Variants in PSMC2 observed in about 807,000 individuals in gnomAD.
PSMC2 encodes the protein proteasome 26S subunit, ATPase 2, also known as 26S proteasome regulatory subunit 7.
A neutral mutation model predicts 53.3 loss-of-function variants in PSMC2; 7 were observed. The ratio of observed to expected loss-of-function variants is 0.13; its 90% CI spans 0.07 to 0.25. The LOEUF (loss-of-function observed/expected upper bound fraction) is 0.25. PSMC2 is among the 10% of genes least tolerant of loss of function. PSMC2 has a pLI of 1.00. For missense variants in PSMC2, 241 were observed against 544.0 expected (o/e 0.44, Z 5.54); for synonymous variants, 169 against 183.9 (o/e 0.92, Z 0.66).
At position 103,367,975 on chromosome 7, in the gene PSMC2, A is replaced by G; in HGVS notation, c.1223A>G (p.Asp408Gly). 1.2e-6 allele frequency: 2 copies of G among 1,614,084 alleles called. No homozygotes were observed. The highest frequency in any genetic ancestry group is 1.7e-6 in the Non-Finnish European group (2 of 1,179,950). Reference sequence around the variant, plus strand: ...CGGCGAAAAATTGCTACCGAGAAGGATTTCTTGGAAGCTGTAAATAAGGTC... The same window carrying G: ...CGGCGAAAAATTGCTACCGAGAAGGGTTTCTTGGAAGCTGTAAATAAGGTC... ...RARRKIATEKDFLEAVNKVIK... is the reference protein window; with the variant it reads ...RARRKIATEKGFLEAVNKVIK... Residue 408 changes from aspartate to glycine, a missense_variant, in exon 12 of 12, where the codon GAT becomes GGT. Physicochemically the swap from Asp to Gly is moderately conservative, Grantham distance 94. This residue lies in a region of PSMC2 where 60 missense variants were observed against 115.8 expected (regional missense o/e 0.52). Coordinates refer to ENST00000292644, the MANE Select transcript of PSMC2 (RefSeq NM_002803.4). This position sits in a 1 kb window ranked among gnomAD's most constrained non-coding sequence, Gnocchi z 6.1.
At chr7:103,358,665 T>G (rs980362000) in intron 4 of PSMC2, among the ~76,000 whole-genome samples, 7 of 152,092 alleles carry the variant, frequency 4.6e-5, no homozygotes, top group African/African-American at 1.7e-4. Flanking sequence ...TCTTTCATTT[T>G]TGTGTGTGTG....
intron 4 of PSMC2, among the ~76,000 whole-genome samples, chr7:103,357,535 C>G (rs976818507): frequency 6.6e-6 from 1 of 151,996 alleles, no homozygotes; most frequent in African/African-American, 2.4e-5. Flanking sequence ...TTTTGGCTTT[C>G]CATCATGGAA....
At chr7:103,365,245 TAATA>T (rs1369657719) in intron 8 of PSMC2, among the ~76,000 whole-genome samples, 1 of 152,126 alleles carries the variant, frequency 6.6e-6, no homozygotes, top group Non-Finnish European at 1.5e-5. Context: ...TATTGCTATT[TAATA>T]GATACAGAAT....
At position 103,368,184 on chromosome 7, in the gene PSMC2, A is replaced by ATAAT. The variant is rs1357805204; in HGVS notation, c.*131_*134dup. On this transcript the variant is annotated 3_prime_UTR_variant, in exon 12 of 12. Coordinates refer to ENST00000292644, the MANE Select transcript of PSMC2 (RefSeq NM_002803.4). ...TTTTTTCCATATCTCTTCTTGTAAT[A>ATAAT]TAATAAAAGGTGATTTCTAATGTTA... The ATAAT allele has an allele frequency of 4.8e-6, 4 of 832,262 alleles. No homozygotes were observed. Among genetic ancestry groups the ATAAT allele is most frequent in the African/African-American group, 1.7e-5 (1 of 57,958 alleles). The allele number at this position is 832,262 out of a possible 1,614,324, so 51.6% of individuals were successfully genotyped here.
At position 103,368,097 on chromosome 7, in the gene PSMC2, A is replaced by T; in HGVS notation, c.*43A>T. 1 of 1,542,704 alleles carries T rather than the reference A, an allele frequency of 6.5e-7. No individual in the cohort carries two copies. The highest frequency in any genetic ancestry group is 1.4e-5 in the African/African-American group (1 of 72,308). On this transcript the variant is annotated 3_prime_UTR_variant, in exon 12 of 12. Transcript: ENST00000292644. The stretch of plus-strand genomic sequence containing the variant: ...GTGAAAACTTTAAATTGGAATCCTA[A>T]CCTTATATAGACTTGTTAATAACCA...
intron 2 of PSMC2, 152 bp downstream of exon 2, chr7:103,354,110 G>T (rs1252794656): frequency 8.0e-6 from 5 of 628,694 alleles, no homozygotes; most frequent in Non-Finnish European, 1.3e-5. Flanking sequence ...AATTAGAAAA[G>T]AATGTCTGGC....
Position 103,366,062 on chromosome 7 carries a change from A to G in PSMC2, c.757-14A>G, listed in dbSNP as rs1195297469. 1.9e-6 allele frequency: 3 copies of G among 1,591,062 alleles called. No homozygotes were observed. The African/African-American group carries it at 4.1e-5, about 22-fold the overall frequency. On this transcript the variant is annotated splice_polypyrimidine_tract_variant and intron_variant, in intron 8 of 11. Transcript: ENST00000292644. ...GAAACCAATTTTGAATTAATAAATC[A>G]TTTTTCTCATTAGGGGGCTCGAATG...
rs546215384 is a variant in PSMC2, at chr7:103,364,695, A to C, written c.756+388A>C. Among the ~76,000 whole-genome samples the C allele has an allele frequency of 2.8e-3, 423 of 152,172 alleles. 1 individual carries two copies. The highest frequency in any genetic ancestry group is 3.5e-3 in the Non-Finnish European group (235 of 68,010). On this transcript the variant is annotated intron_variant, in intron 8 of 11. Coordinates refer to ENST00000292644, the MANE Select transcript of PSMC2 (RefSeq NM_002803.4). ...AGTGCTGGTAGTATAGGCAAGAACCACCACGCCCGGCCTGAGACCTGAAAT... is the reference window on the plus strand; with the variant it reads ...AGTGCTGGTAGTATAGGCAAGAACCCCCACGCCCGGCCTGAGACCTGAAAT...
intron 1 of PSMC2, 102 bp from the exon 2 acceptor site, chr7:103,353,815 CACTT>C: frequency 1.1e-6 from 1 of 935,266 alleles, no homozygotes; most frequent in South Asian, 1.5e-5. Context: ...TTTTGACACT[CACTT>C]AAAACAATTT....
At chr7:103,362,309 G>C in intron 5 of PSMC2, 2 of 1,377,476 alleles carry the variant, frequency 1.5e-6, no homozygotes, top group Non-Finnish European at 9.3e-7. Context: ...ATTATGAATG[G>C]CTTCAAATTT....
intron 4 of PSMC2, 131 bp downstream of exon 4, chr7:103,355,924 C>T: frequency 1.7e-6 from 1 of 605,334 alleles, no homozygotes; most frequent in Non-Finnish European, 2.7e-6. Flanking sequence ...AAGCTTTCTA[C>T]AAAACTGGGG....
intron 1 of PSMC2, chr7:103,352,732 A>G: frequency 5.5e-6 from 4 of 722,752 alleles, no homozygotes; most frequent in Non-Finnish European, 1.0e-5. Flanking sequence ...TCATCCTGGT[A>G]GATTCATTTT....
chr7:103,368,206 G>A lies in PSMC2; in HGVS notation c.*152G>A. 1.4e-6 allele frequency: 1 copy of A among 717,372 alleles called. No individual in the cohort carries two copies. The highest frequency in any genetic ancestry group is 2.1e-6 in the Non-Finnish European group (1 of 467,434). 44.4% of individuals were successfully genotyped at this position (717,372 alleles called of 1,614,324 possible). A position where few individuals can be genotyped will look rare whatever the true frequency, so the allele number is the denominator to read the frequency against. On this transcript the variant is annotated 3_prime_UTR_variant, in exon 12 of 12. Transcript: ENST00000292644. ...AATATAATAAAAGGTGATTTCTAATGTTATTAGGCAGAAAAGCTTGTTAGA... is the reference window on the plus strand; with the variant it reads ...AATATAATAAAAGGTGATTTCTAATATTATTAGGCAGAAAAGCTTGTTAGA...
chr7:103,355,577 T>C, intron 3 of PSMC2, 117 bp from the exon 4 acceptor site: 1 of 746,752 alleles, frequency 1.3e-6, no homozygotes, highest in Non-Finnish European at 2.3e-6. Flanking sequence ...ATAATGCACA[T>C]GATAGTCCTC....
At chr7:103,362,324 G>T in intron 5 of PSMC2, 1 of 1,371,466 alleles carries the variant, frequency 7.3e-7, no homozygotes, top group African/African-American at 1.5e-5. Flanking sequence ...AAATTTCAGA[G>T]TTGAGGTTAC....
intron 8 of PSMC2, 37 bp downstream of exon 8, chr7:103,364,344 A>G (rs1365899186): frequency 6.2e-7 from 1 of 1,607,586 alleles, no homozygotes; most frequent in East Asian, 2.2e-5. Context: ...TAGCCTTGTG[A>G]AAGATTTTAC....
Position 103,355,685 on chromosome 7 carries a change from T to C in PSMC2, c.191-9T>C. The C allele has an allele frequency of 6.2e-7, 1 of 1,606,332 alleles. No homozygotes were observed. Among genetic ancestry groups the C allele is most frequent in the South Asian group, 1.1e-5 (1 of 90,898 alleles). On this transcript the variant is annotated splice_polypyrimidine_tract_variant and intron_variant, in intron 3 of 11. Coordinates refer to ENST00000292644, the MANE Select transcript of PSMC2 (RefSeq NM_002803.4). ...ATTTTAGTAAATTTTGTCATCTTTC[T>C]CTATGTAGGTATTAAAGAATCTGAC...
chr7:103,350,036 C>T (rs1819694476), intron 1 of PSMC2, among the ~76,000 whole-genome samples: 1 of 152,156 alleles, frequency 6.6e-6, no homozygotes, highest in Non-Finnish European at 1.5e-5. Flanking sequence ...TATGTGCAAC[C>T]TTCCCCATTT....
chr7:103,355,587 C>T, intron 3 of PSMC2, 107 bp from the exon 4 acceptor site: 1 of 819,094 alleles, frequency 1.2e-6, no homozygotes, highest in Non-Finnish European at 2.0e-6. Flanking sequence ...TGATAGTCCT[C>T]ACAATGAATG....
Sources: allele counts gnomAD v4.1 joint callset (sites outside exome capture counted in the v4.1 genomes callset), GRCh38; gene constraint gnomAD v4.1.1; regional missense constraint gnomAD v4.1.1; non-coding constraint Gnocchi (gnomAD v3.1); transcripts MANE v1.5; gene names NCBI Gene and HGNC (gene_info 2026-07-23, HGNC 2026-07-21).